The following FMN1 variants were observed in gnomAD, a reference collection of about 807,000 sequenced individuals.
FMN1 encodes the protein formin-1.
In FMN1, 110 loss-of-function variants were observed where a neutral mutation model predicts 132.4. The observed-to-expected ratio is 0.83, with a 90% CI of 0.71 to 0.97. FMN1 has a LOEUF of 0.97. FMN1 is among the 50% of genes least tolerant of loss of function. The pLI, the probability that FMN1 is intolerant of heterozygous loss-of-function variation, is 0.00. For synonymous variants in FMN1, 722 were observed against 651.7 expected, an observed-to-expected ratio of 1.11 and a Z score of -1.64; for missense variants, 1,792 against 1,705.3, an observed-to-expected ratio of 1.05 and a Z score of -0.90.
At chr15:32,845,925 T>C (rs1159829351) in intron 17 of FMN1, among the ~76,000 whole-genome samples, 2 of 151,948 alleles carry the variant, frequency 1.3e-5, no homozygotes, top group Non-Finnish European at 2.9e-5. Context: ...AATGACACTG[T>C]GTACTAGATA....
chr15:32,970,294 ACAGTT>A (rs780665135), intron 7 of FMN1, among the ~76,000 whole-genome samples: 5 of 152,194 alleles, frequency 3.3e-5, no homozygotes, highest in Admixed American at 2.6e-4. Flanking sequence ...TCATCCTATT[ACAGTT>A]AATTGGAAAG....
intron 2 of FMN1, among the ~76,000 whole-genome samples, chr15:33,185,149 T>C (rs1254379133): frequency 6.6e-6 from 1 of 152,146 alleles, no homozygotes; most frequent in Non-Finnish European, 1.5e-5. Context: ...CAAACTAGAG[T>C]AATCCAGTTC....
intron 6 of FMN1, among the ~76,000 whole-genome samples, chr15:33,022,643 G>A (rs1347856800): frequency 6.6e-6 from 1 of 152,188 alleles, no homozygotes. Context: ...TTCAGAAATA[G>A]AAATGGGACA....
At position 33,048,644 on chromosome 15, in the gene FMN1, A is replaced by AACAAAAAC. The variant is rs1555388955; in HGVS notation, c.2161+16312_2161+16313insGTTTTTGT. Among the ~76,000 whole-genome samples the AACAAAAAC allele has an allele frequency of 3.1e-4, 27 of 86,916 alleles. 2 individuals carry two copies. The highest frequency in any genetic ancestry group is 7.0e-4 in the African/African-American group (17 of 24,266). 57.0% of individuals were successfully genotyped at this position (86,916 alleles called of 152,430 possible). On this transcript the variant is annotated intron_variant, in intron 6 of 20. Coordinates refer to ENST00000616417, the MANE Select transcript of FMN1 (RefSeq NM_001277313.2). The stretch of plus-strand genomic sequence containing the variant: ...TGGGCAATTTACCAAAAAAAAAAAA[A>AACAAAAAC]AAAAACCAACAGTTTAATGGACTTA...
Position 33,128,719 on chromosome 15 carries a change from G to A in FMN1, c.1867+24329C>T, listed in dbSNP as rs1040350714. 5.3e-5 allele frequency among the ~76,000 whole-genome samples: 8 copies of A among 152,192 alleles called. No individual in the cohort carries two copies. In the East Asian group the frequency reaches 5.8e-4, roughly 11 times the overall value. On this transcript the variant is annotated intron_variant, in intron 4 of 20. Coordinates refer to ENST00000616417, the MANE Select transcript of FMN1 (RefSeq NM_001277313.2). ...AAACCCGCGGACCCTCACGGTAAGTGTGACAGCTCTTAAAGGTGATGTGGT... is the reference window on the plus strand; with the variant it reads ...AAACCCGCGGACCCTCACGGTAAGTATGACAGCTCTTAAAGGTGATGTGGT...
intron 4 of FMN1, chr15:33,150,087 C>T: frequency 1.0e-6 from 1 of 985,426 alleles, no homozygotes; most frequent in Non-Finnish European, 1.2e-6. Flanking sequence ...CAAAGGAAAA[C>T]AACCACAGGA....
intron 4 of FMN1, among the ~76,000 whole-genome samples, chr15:33,113,820 T>C (rs1466267160): frequency 1.3e-5 from 2 of 152,184 alleles, no homozygotes; most frequent in South Asian, 2.1e-4. Context: ...CTGAGGCCCC[T>C]GAGGTACCAG....
intron 4 of FMN1, among the ~76,000 whole-genome samples, chr15:33,090,877 G>C (rs1340064523): frequency 6.6e-6 from 1 of 152,116 alleles, no homozygotes; most frequent in Admixed American, 6.6e-5. Context: ...AGAAATTAAA[G>C]CTCAGACCTC....
At chr15:33,137,998 T>C (rs1963845823) in intron 4 of FMN1, among the ~76,000 whole-genome samples, 2 of 152,236 alleles carry the variant, frequency 1.3e-5, no homozygotes, top group Admixed American at 1.3e-4. Flanking sequence ...GAGATAATAA[T>C]AACTATTGTG....
chr15:33,005,967 A>G (rs1301534208), intron 7 of FMN1, among the ~76,000 whole-genome samples: 3 of 152,042 alleles, frequency 2.0e-5, no homozygotes, highest in African/African-American at 4.8e-5. Context: ...AAATTGACTC[A>G]TTTTCTCTCC....
At chr15:33,093,271 TAAA>T (rs2038966151) in intron 4 of FMN1, among the ~76,000 whole-genome samples, 1 of 152,214 alleles carries the variant, frequency 6.6e-6, no homozygotes, top group Admixed American at 6.5e-5. Context: ...AGGCACTACA[TAAA>T]ATAAACCCTA....
At chr15:33,096,490 C>A (rs2339189) in intron 4 of FMN1, among the ~76,000 whole-genome samples, 17,473 of 152,174 alleles carry the variant, frequency 0.11, 1,938 homozygotes, top group East Asian at 0.63. Flanking sequence ...GCCTGAGTGT[C>A]TTAGGCACCA....
At chr15:32,931,897 C>T (rs2061127703) in intron 9 of FMN1, among the ~76,000 whole-genome samples, 1 of 151,742 alleles carries the variant, frequency 6.6e-6, no homozygotes, top group Non-Finnish European at 1.5e-5. Flanking sequence ...AGGTAATTTC[C>T]TTCTATTCCC....
intron 10 of FMN1, among the ~76,000 whole-genome samples, chr15:32,916,935 T>TG (rs1205230291): frequency 2.6e-5 from 4 of 152,122 alleles, no homozygotes; most frequent in Non-Finnish European, 5.9e-5. Context: ...GAAACTCTCA[T>TG]GTCACCTATA....
intron 4 of FMN1, among the ~76,000 whole-genome samples, chr15:33,122,924 C>G (rs779506502): frequency 6.6e-6 from 1 of 152,060 alleles, no homozygotes; most frequent in Non-Finnish European, 1.5e-5. Flanking sequence ...ATGTGCCAGG[C>G]AGTGAGCTAA....
At chr15:33,068,170 C>T (rs570551971) in intron 5 of FMN1, 3 of 394,908 alleles carry the variant, frequency 7.6e-6, no homozygotes, top group African/African-American at 4.1e-5. Context: ...GGAGGCTGCT[C>T]TTCTGAAACT....
At chr15:33,103,091 T>C (rs1399361588) in intron 4 of FMN1, among the ~76,000 whole-genome samples, 1 of 152,138 alleles carries the variant, frequency 6.6e-6, no homozygotes, top group Non-Finnish European at 1.5e-5. Context: ...AGTAGATATA[T>C]AATAATATCT....
intron 7 of FMN1, among the ~76,000 whole-genome samples, chr15:32,971,317 C>T (rs1384540883): frequency 6.6e-6 from 1 of 152,172 alleles, no homozygotes; most frequent in Non-Finnish European, 1.5e-5. Flanking sequence ...AATTTTCAGA[C>T]AATGCTACCT....
intron 4 of FMN1, among the ~76,000 whole-genome samples, chr15:33,128,840 AAGAC>A (rs1328519174): frequency 6.6e-6 from 1 of 152,248 alleles, no homozygotes; most frequent in African/African-American, 2.4e-5. Context: ...CGCAATGCGG[AAGAC>A]AACCGGAGCA....
Sources: gnomAD v4.1 joint callset for allele counts (sites outside exome capture counted in the v4.1 genomes callset) on GRCh38, gnomAD v4.1.1 for gene constraint, MANE v1.5 for transcripts, NCBI Gene and HGNC (gene_info 2026-07-23, HGNC 2026-07-21) for gene names.